The following FHIT variants were observed in gnomAD, a reference collection of about 807,000 sequenced individuals.
FHIT encodes bis(5'-adenosyl)-triphosphatase.
Under a neutral mutation model 17.9 loss-of-function variants are expected in FHIT, and 19 were observed. That is an observed-to-expected ratio of 1.06 (90% CI 0.74 to 1.56). The LOEUF (loss-of-function observed/expected upper bound fraction) is 1.56, where lower values mean the gene tolerates loss of function less well. FHIT is among the 40% of genes most tolerant of loss of function. The pLI is 0.00. For missense variants in FHIT, 248 were observed against 189.2 expected, an observed-to-expected ratio of 1.31 and a Z score of -1.82; for synonymous variants, 81 against 69.7, an observed-to-expected ratio of 1.16 and a Z score of -0.81.
intron 2 of FHIT, among the ~76,000 whole-genome samples, chr3:61,112,440 G>C (rs1331018533): frequency 6.6e-6 from 1 of 152,104 alleles, no homozygotes; most frequent in Non-Finnish European, 1.5e-5. Flanking sequence ...AAGTTCCGCA[G>C]TCAGGAAGGC....
chr3:60,594,642 A>G (rs2038200575), intron 4 of FHIT, among the ~76,000 whole-genome samples: 1 of 151,944 alleles, frequency 6.6e-6, no homozygotes, highest in East Asian at 1.9e-4. Flanking sequence ...CCAACACTAT[A>G]AAGGGTTTTC....
chr3:60,401,946 C>G (rs540161389), intron 5 of FHIT, among the ~76,000 whole-genome samples: 2 of 152,064 alleles, frequency 1.3e-5, no homozygotes, highest in Admixed American at 1.3e-4. Flanking sequence ...TCATTTCATG[C>G]GTAATTAGAA....
chr3:60,660,380 TC>T (rs2040211761), intron 4 of FHIT, among the ~76,000 whole-genome samples: 1 of 152,118 alleles, frequency 6.6e-6, no homozygotes, highest in African/African-American at 2.4e-5. Flanking sequence ...ACTCCTGGAA[TC>T]TGTGCAAGGA....
chr3:60,494,808 C>A lies in FHIT; in HGVS notation c.103+42052G>T, dbSNP rs186243667. Among the ~76,000 whole-genome samples, 291 of 152,280 alleles carry A rather than the reference C, an allele frequency of 1.9e-3. 1 individual carries two copies. Among genetic ancestry groups the A allele is most frequent in the African/African-American group, 6.6e-3 (275 of 41,562 alleles). On this transcript the variant is annotated intron_variant, in intron 5 of 9. Transcript: ENST00000492590. Reference sequence around the variant, plus strand: ...CATGTTGTTGCAAATGACATGATCTCATTCTTTTTTGTGGATAAATAGTAC... The same window carrying A: ...CATGTTGTTGCAAATGACATGATCTAATTCTTTTTTGTGGATAAATAGTAC...
intron 7 of FHIT, among the ~76,000 whole-genome samples, chr3:59,973,224 G>C (rs1430050393): frequency 6.6e-6 from 1 of 152,054 alleles, no homozygotes; most frequent in Non-Finnish European, 1.5e-5. Flanking sequence ...TAACCGTATA[G>C]TGACGCTCTT....
chr3:60,509,626 A>G (rs1179461651), intron 5 of FHIT, among the ~76,000 whole-genome samples: 2 of 151,714 alleles, frequency 1.3e-5, no homozygotes, highest in South Asian at 2.1e-4. Context: ...CTATTTTGCT[A>G]TTCGCAAGTG....
In FHIT at chr3:60,034,054, A is replaced by G. The variant is rs147880120; in HGVS notation, c.104-19902T>C. Among the ~76,000 whole-genome samples, 853 of 152,338 alleles carry G rather than the reference A, an allele frequency of 5.6e-3. 5 individuals are homozygous for G. The highest frequency in any genetic ancestry group is 0.019 in the African/African-American group (802 of 41,582). Reference sequence around the variant, plus strand: ...CAGTGACTTACATGATTGAGTACTTATAATGGGGCAGATGTGGTTCTAAGC... The same window carrying G: ...CAGTGACTTACATGATTGAGTACTTGTAATGGGGCAGATGTGGTTCTAAGC... On this transcript the variant is annotated intron_variant, in intron 5 of 9. Coordinates refer to ENST00000492590, the MANE Select transcript of FHIT (RefSeq NM_002012.4).
At chr3:60,008,218 G>A (rs147049817) in intron 7 of FHIT, among the ~76,000 whole-genome samples, 4 of 152,236 alleles carry the variant, frequency 2.6e-5, no homozygotes, top group East Asian at 1.9e-4. Flanking sequence ...GGGTCAGGGA[G>A]GCTGTTTGGA....
At chr3:61,213,598 A>ATG (rs1560082425) in intron 1 of FHIT, among the ~76,000 whole-genome samples, 49 of 152,290 alleles carry the variant, frequency 3.2e-4, no homozygotes, top group African/African-American at 9.4e-4. Flanking sequence ...ACAGATCAAC[A>ATG]AGACAGAAAG....
chr3:60,569,548 G>C (rs985288279), intron 4 of FHIT, among the ~76,000 whole-genome samples: 1 of 151,624 alleles, frequency 6.6e-6, no homozygotes, highest in Admixed American at 6.6e-5. Flanking sequence ...ACACCAGGAC[G>C]ATATAGTAGA....
intron 5 of FHIT, among the ~76,000 whole-genome samples, chr3:60,507,244 T>C (rs2034769270): frequency 6.6e-6 from 1 of 151,974 alleles, no homozygotes; most frequent in African/African-American, 2.4e-5. Flanking sequence ...TGCAAAAACA[T>C]TCCAGTCAAG....
At chr3:59,955,979 G>A (rs966498435) in intron 7 of FHIT, among the ~76,000 whole-genome samples, 3 of 152,100 alleles carry the variant, frequency 2.0e-5, no homozygotes, top group African/African-American at 7.2e-5. Flanking sequence ...GCTTCCTCTT[G>A]TTCATAGAAT....
Position 60,733,572 on chromosome 3 carries a change from A to G in FHIT, c.-18+88347T>C, listed in dbSNP as rs73836103. Among the ~76,000 whole-genome samples, 1,384 of 152,146 alleles carry G rather than the reference A, an allele frequency of 9.1e-3. 17 individuals are homozygous for G. Among genetic ancestry groups the G allele is most frequent in the African/African-American group, 0.032 (1,318 of 41,490 alleles). ...CCTCAACCAACCATCCTTTCCACCA[A>G]CCGATGCCCATCACTTCCTTTCAGA... On this transcript the variant is annotated intron_variant, in intron 4 of 9. Transcript: ENST00000492590.
chr3:60,457,984 A>G (rs562992642), intron 5 of FHIT, among the ~76,000 whole-genome samples: 12 of 152,268 alleles, frequency 7.9e-5, no homozygotes, highest in South Asian at 2.1e-4. Context: ...CACTGTTGGT[A>G]GGAATGTAAA....
At chr3:60,567,671 C>T (rs1308370107) in intron 4 of FHIT, among the ~76,000 whole-genome samples, 2 of 152,112 alleles carry the variant, frequency 1.3e-5, no homozygotes, top group East Asian at 3.9e-4. Context: ...GAACAGGCCA[C>T]CTACAGAATG....
At chr3:60,068,684 C>T (rs2630176) in intron 5 of FHIT, among the ~76,000 whole-genome samples, 50,351 of 151,824 alleles carry the variant, frequency 0.33, 9,601 homozygotes, top group African/African-American at 0.53. Flanking sequence ...TCATACACAT[C>T]TAAATTTCAC....
chr3:60,291,874 C>T (rs1308640522), intron 5 of FHIT, among the ~76,000 whole-genome samples: 1 of 152,068 alleles, frequency 6.6e-6, no homozygotes, highest in Non-Finnish European at 1.5e-5. Flanking sequence ...TCAGGAGCCA[C>T]TAGAAGCTCG....
intron 4 of FHIT, among the ~76,000 whole-genome samples, chr3:60,817,315 T>C (rs1319246085): frequency 6.6e-6 from 1 of 152,084 alleles, no homozygotes; most frequent in Non-Finnish European, 1.5e-5. Context: ...ATTTCCAAAA[T>C]TTTTTCATTC....
intron 5 of FHIT, among the ~76,000 whole-genome samples, chr3:60,124,003 T>TAG (rs1559653641): frequency 8.5e-4 from 21 of 24,586 alleles, no homozygotes; most frequent in East Asian, 2.3e-3. Flanking sequence ...TATATATATA[T>TAG]ATATATAGAG....
Sources: gnomAD v4.1 joint callset for allele counts (sites outside exome capture counted in the v4.1 genomes callset) on GRCh38, gnomAD v4.1.1 for gene constraint, MANE v1.5 for transcripts, NCBI Gene and HGNC (gene_info 2026-07-23, HGNC 2026-07-21) for gene names.